Variants in DIDO1 observed in about 807,000 individuals in gnomAD.
DIDO1 encodes the protein death-inducer obliterator 1.
In DIDO1, 16 loss-of-function variants were observed where a neutral mutation model predicts 99.4. That is an observed-to-expected ratio of 0.16 (90% CI 0.11 to 0.24). The LOEUF (loss-of-function observed/expected upper bound fraction) is 0.24, where lower values mean the gene tolerates loss of function less well. DIDO1 is among the 10% of genes least tolerant of loss of function. The pLI, the probability that DIDO1 is intolerant of heterozygous loss-of-function variation, is 1.00. For missense variants in DIDO1, 2,996 were observed against 3,014.0 expected (o/e 0.99, Z 0.14); for synonymous variants, 1,366 against 1,239.1 (o/e 1.10, Z -2.15).
chr20:62,879,237 G>C lies in DIDO1; in HGVS notation c.6719C>G (p.Ala2240Gly), dbSNP rs559747927. The change falls in exon 16 of 16, where the codon GCC (alanine) becomes GGC (glycine). Residue 2240 changes from alanine to glycine, a missense_variant. Physicochemically the swap from Ala to Gly is moderately conservative, Grantham distance 60 (BLOSUM62 0). Around this residue, in one of 5 missense-constraint regions of DIDO1, gnomAD observed 1,562 missense variants for 1,412.6 expected, o/e 1.11. Coordinates refer to ENST00000395343, the MANE Select transcript of DIDO1 (RefSeq NM_001193369.2). The surrounding 1 kb of genome is among the most constrained non-coding windows in gnomAD (Gnocchi z 6.3). ...GTCTCTGCCCGGCCGGGGCGTCTAG[G>C]CCTGCGAGGCGGTGCCAGCGTCGGA... ...RASDAGTASQ[A>G] The C allele has an allele frequency of 6.6e-7, 1 of 1,520,978 alleles. No individual in the cohort carries two copies. The highest frequency in any genetic ancestry group is 2.4e-5 in the East Asian group (1 of 42,476). 94.2% of individuals were successfully genotyped at this position (1,520,978 alleles called of 1,614,324 possible).
chr20:62,929,692 A>AAAAAAAAAAATATATAT, upstream of DIDO1, among the ~76,000 whole-genome samples: 13 of 63,734 alleles, frequency 2.0e-4, no homozygotes, highest in African/African-American at 6.8e-4. Context: ...AAAAAGAAAA[A>AAAAAAAAAAATATATAT]GTGTATATAT....
At chr20:62,914,647 G>C (rs960328978) in intron 1 of DIDO1, among the ~76,000 whole-genome samples, 1 of 152,086 alleles carries the variant, frequency 6.6e-6, no homozygotes, top group African/African-American at 2.4e-5. Context: ...AAGGAGTGGA[G>C]TCCCAGGCTT....
Position 62,880,441 on chromosome 20 carries a change from G to C in DIDO1, c.5515C>G (p.Pro1839Ala), listed in dbSNP as rs754447888. 2 of 1,612,880 alleles carry C rather than the reference G, an allele frequency of 1.2e-6. No individual in the cohort carries two copies. The highest frequency in any genetic ancestry group is 3.3e-5 in the Admixed American group (2 of 60,030). The change falls in exon 16 of 16, where the codon CCA becomes GCA. Residue 1839 changes from proline to alanine, a missense_variant. Physicochemically the swap from Pro to Ala is conservative, Grantham distance 27. Coordinates refer to ENST00000395343, the MANE Select transcript of DIDO1 (RefSeq NM_001193369.2). The stretch of plus-strand genomic sequence containing the variant: ...TCCTTGCGTTCTTCAAATTGGGATG[G>C]TGCCACTCCTCGTGGTCCACCAAGG... The part of the protein sequence containing the change: ...SYLGGPRGVA[P>A]SQFEERKDPH...
rs748718452 is a variant in DIDO1 at position 62,911,567 on chromosome 20, T to C, written c.46A>G (p.Ile16Val). The part of the protein sequence containing the change: ...DPSNEEAPKA[I>V]KPTSKEFRKT... The stretch of plus-strand genomic sequence containing the variant: ...CTGAACTCTTTGCTGGTGGGTTTGA[T>C]GGCCTTAGGTGCCTCCTCATTGCTC... Residue 16 changes from isoleucine to valine, a missense_variant, in exon 3 of 16, where the codon ATC becomes GTC. Around this residue, in one of 5 missense-constraint regions of DIDO1, gnomAD observed 388 missense variants for 376.6 expected, o/e 1.03. Transcript: ENST00000395343. This position sits in a 1 kb window ranked among gnomAD's most constrained non-coding sequence, Gnocchi z 7.0. 1 of 1,606,490 alleles carries C rather than the reference T, an allele frequency of 6.2e-7. No individual in the cohort carries two copies. Among genetic ancestry groups the C allele is most frequent in the Non-Finnish European group, 8.5e-7 (1 of 1,176,008 alleles).
intron 6 of DIDO1, chr20:62,905,015 AAT>A: frequency 1.0e-6 from 1 of 988,990 alleles, no homozygotes; most frequent in Non-Finnish European, 1.2e-6. Flanking sequence ...CTGAATTGAA[AAT>A]AGTTTTATAG....
At position 62,881,922 on chromosome 20, in the gene DIDO1, T is replaced by C; in HGVS notation, c.4034A>G (p.Glu1345Gly). ...PPGSTAGLPQEPKTTAEDGVP... is the reference protein window; with the variant it reads ...PPGSTAGLPQGPKTTAEDGVP... Reference sequence around the variant, plus strand: ...CCCGTCCTCTGCTGTGGTTTTGGGCTCCTGGGGGAGACCTGCGGTGGACCC... The same window carrying C: ...CCCGTCCTCTGCTGTGGTTTTGGGCCCCTGGGGGAGACCTGCGGTGGACCC... The change falls in exon 16 of 16, where the codon GAG becomes GGG. Residue 1345 changes from glutamate to glycine, a missense_variant. Glu to Gly is a moderately conservative substitution (Grantham distance 98). Coordinates refer to ENST00000395343, the MANE Select transcript of DIDO1 (RefSeq NM_001193369.2). This position sits in a 1 kb window ranked among gnomAD's most constrained non-coding sequence, Gnocchi z 8.3. 1 of 1,613,404 alleles carries C rather than the reference T, an allele frequency of 6.2e-7. No individual in the cohort carries two copies. The highest frequency in any genetic ancestry group is 8.5e-7 in the Non-Finnish European group (1 of 1,180,020).
At chr20:62,889,120 G>A (rs1424042292) in intron 15 of DIDO1, 6 of 985,540 alleles carry the variant, frequency 6.1e-6, no homozygotes, top group South Asian at 9.4e-5. Context: ...GACAGTGTGG[G>A]TGGTTGGTGC....
Position 62,894,822 on chromosome 20 carries a change from C to T in DIDO1, c.2424G>A (p.Val808=). The T allele has an allele frequency of 6.2e-7, 1 of 1,613,012 alleles. No individual in the cohort carries two copies. Among genetic ancestry groups the T allele is most frequent in the African/African-American group, 1.3e-5 (1 of 74,896 alleles). ...AIPDLEDSPP[V]SDSEEQQESA... ...CCCAAATGCTTACCTCTGAATCCGA[C>T]ACTGGCGGAGAGTCCTCCAGATCGG... The change falls in exon 10 of 16, where the codon GTG becomes GTA. Residue 808 remains valine (V), a synonymous_variant. Transcript: ENST00000395343. This position sits in a 1 kb window ranked among gnomAD's most constrained non-coding sequence, Gnocchi z 4.4.
In DIDO1 at chr20:62,892,130, G is replaced by A. The variant is rs1437777273; in HGVS notation, c.3256-54C>T. 4.7e-6 allele frequency: 7 copies of A among 1,491,518 alleles called. No homozygotes were observed. In the African/African-American group the frequency reaches 5.6e-5, roughly 12 times the overall value. 92.4% of individuals were successfully genotyped at this position (1,491,518 alleles called of 1,614,324 possible). A position where few individuals can be genotyped will look rare whatever the true frequency, so the allele number is the denominator to read the frequency against. ...CTTTGAACTGTAGTAGTCACAGAAA[G>A]ACGAATGCAGCCATGTGAAGGCACA... On this transcript the variant is annotated intron_variant, in intron 13 of 15. Coordinates refer to ENST00000395343, the MANE Select transcript of DIDO1 (RefSeq NM_001193369.2).
At chr20:62,895,004 A>G (rs371302106) in intron 9 of DIDO1, 45 bp downstream of exon 9, 1 of 1,595,862 alleles carries the variant, frequency 6.3e-7, no homozygotes, top group South Asian at 1.1e-5. Context: ...TATTTCTATT[A>G]AGCTCGAGTC....
rs752548370 is a variant in DIDO1, at chr20:62,882,154, G to A, written c.3802C>T (p.Pro1268Ser). ...AGCACTTTTAGCACCGGTGGTTCTG[G>A]AAGAGGGGGCGGAGGCGGCGGCGAC... ...PGSPPPPPPL[P>S]EPPVLKVLSS... The change falls in exon 16 of 16, where the codon CCA becomes TCA. Residue 1268 changes from proline (P) to serine (S), a missense_variant. Physicochemically the swap from Pro to Ser is moderately conservative, Grantham distance 74 (BLOSUM62 -1). Around this residue, in one of 5 missense-constraint regions of DIDO1, gnomAD observed 1,562 missense variants for 1,412.6 expected, o/e 1.11. Transcript: ENST00000395343. 10 of 1,613,294 alleles carry A rather than the reference G, an allele frequency of 6.2e-6. No homozygotes were observed. Among genetic ancestry groups the A allele is most frequent in the Non-Finnish European group, 7.6e-6 (9 of 1,180,036 alleles).
intron 6 of DIDO1, among the ~76,000 whole-genome samples, chr20:62,903,499 G>A (rs953951928): frequency 6.6e-5 from 10 of 152,196 alleles, no homozygotes; most frequent in South Asian, 6.2e-4. Flanking sequence ...TGGCCAGCCA[G>A]GGAGGCAGGG....
Position 62,880,531 on chromosome 20 carries a change from A to G in DIDO1, c.5425T>C (p.Ser1809Pro). 1 of 1,612,844 alleles carries G rather than the reference A, an allele frequency of 6.2e-7. No homozygotes were observed. The highest frequency in any genetic ancestry group is 8.5e-7 in the Non-Finnish European group (1 of 1,179,926). The change falls in exon 16 of 16, where the codon TCC becomes CCC. Residue 1809 changes from serine to proline, a missense_variant. Around this residue, in one of 5 missense-constraint regions of DIDO1, gnomAD observed 1,562 missense variants for 1,412.6 expected, o/e 1.11. Transcript: ENST00000395343. ...RFGAQKGPIP[S>P]LFSGQHGPPP... ...GGCCCATGTTGCCCCGAGAATAAGG[A>G]AGGGATGGGCCCCTTCTGGGCTCCG... is the stretch of plus-strand genomic sequence containing the variant.
intron 15 of DIDO1, among the ~76,000 whole-genome samples, chr20:62,883,498 C>G (rs546296693): frequency 1.4e-3 from 214 of 151,992 alleles, no homozygotes; most frequent in African/African-American, 4.8e-3. Flanking sequence ...TGAGACCAGT[C>G]TGGCCAACGT....
At chr20:62,900,353 C>T (rs1294233142) in intron 6 of DIDO1, among the ~76,000 whole-genome samples, 3 of 152,270 alleles carry the variant, frequency 2.0e-5, no homozygotes, top group African/African-American at 4.8e-5. Context: ...CAGGGATCAG[C>T]AGCACACTCT....
In DIDO1 at chr20:62,910,848, G is replaced by C; in HGVS notation, c.765C>G (p.Gly255=). 1.2e-6 allele frequency: 2 copies of C among 1,614,094 alleles called. No individual in the cohort carries two copies. Among genetic ancestry groups the C allele is most frequent in the Non-Finnish European group, 1.7e-6 (2 of 1,180,030 alleles). The change falls in exon 3 of 16, where the codon GGC becomes GGG. Residue 255 remains glycine (G), a synonymous_variant. Coordinates refer to ENST00000395343, the MANE Select transcript of DIDO1 (RefSeq NM_001193369.2). ...DIKDEEPGDL[G]RPKPECEGYD... is the part of the protein sequence containing the mutation. ...AACCCTCACATTCAGGCTTCGGTCG[G>C]CCCAAGTCTCCAGGCTCCTCATCTT...
chr20:62,889,032 T>C, intron 15 of DIDO1: 45 of 985,472 alleles, frequency 4.6e-5, no homozygotes, highest in Non-Finnish European at 5.3e-5. Context: ...CTTTTGTGTG[T>C]CCCCGTCAGG....
chr20:62,898,839 GTACTA>G lies in DIDO1; in HGVS notation c.1589-1848_1589-1844del, dbSNP rs577503660. 2.1e-4 allele frequency among the ~76,000 whole-genome samples: 32 copies of G among 152,340 alleles called. 1 individual carries two copies. The South Asian group carries it at 6.6e-3, about 32-fold the overall frequency. ...GGAAACTTTGCTTTTAATTCCACAT[GTACTA>G]TGTCATCAGATCAGGTCTATACACC... is the stretch of plus-strand genomic sequence containing the variant. On this transcript the variant is annotated intron_variant, in intron 6 of 15. Transcript: ENST00000395343.
rs762964477 is a variant in DIDO1, at chr20:62,911,619, C to T, written c.-2-5G>A. ...GGTCGCCTTTGTCGTCCATACCTAGCGGTAAAGTGTAAGCACATAGTGACC... is the reference window on the plus strand; with the variant it reads ...GGTCGCCTTTGTCGTCCATACCTAGTGGTAAAGTGTAAGCACATAGTGACC... On this transcript the variant is annotated splice_polypyrimidine_tract_variant and splice_region_variant and intron_variant, in intron 2 of 15. Transcript: ENST00000395343. The surrounding 1 kb of genome is among the most constrained non-coding windows in gnomAD (Gnocchi z 7.0). The T allele has an allele frequency of 1.4e-5, 21 of 1,552,806 alleles. No individual in the cohort carries two copies. Among genetic ancestry groups the T allele is most frequent in the South Asian group, 4.9e-5 (4 of 81,184 alleles).
Sources: gnomAD v4.1 joint callset for allele counts (sites outside exome capture counted in the v4.1 genomes callset) on GRCh38, gnomAD v4.1.1 for gene constraint, gnomAD v4.1.1 regional missense constraint, Gnocchi (gnomAD v3.1) non-coding constraint, MANE v1.5 for transcripts, NCBI Gene and HGNC (gene_info 2026-07-23, HGNC 2026-07-21) for gene names.